The following SLC5A4 variants were observed in gnomAD, a reference collection of about 807,000 sequenced individuals.
SLC5A4 encodes solute carrier family 5 member 4.
SLC5A4 carries 55 observed loss-of-function variants against 70.3 expected under a neutral mutation model. The ratio of observed to expected loss-of-function variants is 0.78; its 90% CI spans 0.63 to 0.98. The LOEUF is 0.98. Among genes scored for constraint, SLC5A4 ranks in the 50% least tolerant of loss-of-function variants. The probability of loss-of-function intolerance (pLI) is 0.00; values close to 1 mark genes in which losing one functional copy is unlikely to be tolerated. For missense variants in SLC5A4, 735 were observed against 839.2 expected, an observed-to-expected ratio of 0.88 and a Z score of 1.53; for synonymous variants, 268 against 305.7, an observed-to-expected ratio of 0.88 and a Z score of 1.29.
the SLC5A4 span, among the ~76,000 whole-genome samples, chr22:32,333,741 C>T: frequency 6.6e-5 from 10 of 151,880 alleles, no homozygotes; most frequent in East Asian, 3.9e-4. Flanking sequence ...AATACACACA[C>T]GTACACCATG....
the SLC5A4 span, among the ~76,000 whole-genome samples, chr22:32,344,298 A>G: frequency 2.0e-5 from 3 of 152,196 alleles, no homozygotes; most frequent in Non-Finnish European, 4.4e-5. Context: ...GTTTCCAGAT[A>G]GCATTACTGT....
intron 7 of SLC5A4, among the ~76,000 whole-genome samples, chr22:32,236,903 A>C (rs576711875): frequency 1.3e-5 from 2 of 152,122 alleles, no homozygotes; most frequent in East Asian, 3.9e-4. Context: ...ACGGGGTTTC[A>C]CCACGTTAGC....
chr22:32,263,575 A>G, the SLC5A4 span, among the ~76,000 whole-genome samples: 1 of 152,212 alleles, frequency 6.6e-6, no homozygotes, highest in East Asian at 1.9e-4. Context: ...ATGTGGAGAA[A>G]TAGGAACACT....
chr22:32,227,739 C>T (rs1925486427), intron 11 of SLC5A4, among the ~76,000 whole-genome samples: 1 of 151,980 alleles, frequency 6.6e-6, no homozygotes, highest in Non-Finnish European at 1.5e-5. Flanking sequence ...AGATCAAGAC[C>T]ATCTGGCCAA....
the SLC5A4 span, among the ~76,000 whole-genome samples, chr22:32,269,053 G>A: frequency 3.3e-5 from 5 of 152,102 alleles, no homozygotes; most frequent in South Asian, 4.2e-4. The surrounding 1 kb of genome is among the most constrained non-coding windows in gnomAD (Gnocchi z 4.1). Flanking sequence ...CCACCACACC[G>A]GGCTAATTTT....
intron 3 of SLC5A4, 94 bp from the exon 4 acceptor site, chr22:32,248,896 A>C: frequency 1.2e-6 from 1 of 856,344 alleles, no homozygotes; most frequent in Non-Finnish European, 2.0e-6. Context: ...GAAATTAAAA[A>C]AAAAAGTTGG....
At chr22:32,337,786 A>G in the SLC5A4 span, among the ~76,000 whole-genome samples, 5 of 152,218 alleles carry the variant, frequency 3.3e-5, no homozygotes, top group Non-Finnish European at 5.9e-5. Flanking sequence ...AAGAGATACA[A>G]GTAGTCACCA....
At chr22:32,349,265 G>A in the SLC5A4 span, among the ~76,000 whole-genome samples, 3 of 152,272 alleles carry the variant, frequency 2.0e-5, no homozygotes, top group Non-Finnish European at 2.9e-5. Flanking sequence ...GAGCCACTGC[G>A]CCCGGCCTTC....
At chr22:32,246,305 T>A (rs1926825773) in intron 5 of SLC5A4, among the ~76,000 whole-genome samples, 1 of 152,184 alleles carries the variant, frequency 6.6e-6, no homozygotes, top group Non-Finnish European at 1.5e-5. Context: ...CTAGTTCACT[T>A]CCAACAACAA....
chr22:32,304,734 T>C, the SLC5A4 span, among the ~76,000 whole-genome samples: 3 of 152,246 alleles, frequency 2.0e-5, no homozygotes, highest in Admixed American at 2.0e-4. Flanking sequence ...TTAATTTTAA[T>C]GAAGTCCAAC....
chr22:32,225,963 C>T, intron 11 of SLC5A4, 140 bp from the exon 12 acceptor site: 2 of 574,358 alleles, frequency 3.5e-6, no homozygotes, highest in Middle Eastern at 4.6e-4. Context: ...TACATAAACC[C>T]ATGCTGTGCT....
chr22:32,275,097 G>T, the SLC5A4 span, among the ~76,000 whole-genome samples: 1 of 151,458 alleles, frequency 6.6e-6, no homozygotes, highest in Non-Finnish European at 1.5e-5. Flanking sequence ...TACACCAGTA[G>T]TACACTAATG....
At chr22:32,287,647 T>G in the SLC5A4 span, among the ~76,000 whole-genome samples, 1 of 150,418 alleles carries the variant, frequency 6.6e-6, no homozygotes, top group African/African-American at 2.4e-5. Flanking sequence ...TCTTTCTTTT[T>G]TCTTTTTCTT....
At chr22:32,326,771 A>C in the SLC5A4 span, among the ~76,000 whole-genome samples, 1 of 152,190 alleles carries the variant, frequency 6.6e-6, no homozygotes, top group South Asian at 2.1e-4. Flanking sequence ...ATGAGGCTGG[A>C]TTAACTGGCT....
chr22:32,302,086 T>C, the SLC5A4 span, among the ~76,000 whole-genome samples: 1 of 152,158 alleles, frequency 6.6e-6, no homozygotes, highest in Non-Finnish European at 1.5e-5. Context: ...AATGGTTTCT[T>C]AGATATGAAA....
chr22:32,316,561 A>G, the SLC5A4 span, among the ~76,000 whole-genome samples: 1 of 151,890 alleles, frequency 6.6e-6, no homozygotes. Context: ...ACAGAGTCTC[A>G]CTCTGTTGCC....
chr22:32,289,649 T>C, the SLC5A4 span, among the ~76,000 whole-genome samples: 1 of 152,202 alleles, frequency 6.6e-6, no homozygotes, highest in African/African-American at 2.4e-5. Flanking sequence ...AAGAGGTGCC[T>C]TCTGCCATGA....
At chr22:32,264,586 G>A in the SLC5A4 span, among the ~76,000 whole-genome samples, 43 of 151,994 alleles carry the variant, frequency 2.8e-4, no homozygotes, top group East Asian at 7.2e-3. Context: ...AAAACAAAAC[G>A]AAACAAGAAA....
At chr22:32,312,693 C>T in the SLC5A4 span, among the ~76,000 whole-genome samples, 1 of 152,114 alleles carries the variant, frequency 6.6e-6, no homozygotes, top group South Asian at 2.1e-4. Flanking sequence ...GCTTTGGGCA[C>T]AGGCAGCATT....
Sources: allele counts gnomAD v4.1 joint callset (sites outside exome capture counted in the v4.1 genomes callset), GRCh38; gene constraint gnomAD v4.1.1; non-coding constraint Gnocchi (gnomAD v3.1); transcripts MANE v1.5; gene names NCBI Gene and HGNC (gene_info 2026-07-23, HGNC 2026-07-21).